The following PKIB variants were observed in gnomAD, a reference collection of about 807,000 sequenced individuals.
The protein encoded by PKIB is cAMP-dependent protein kinase inhibitor beta.
PKIB carries 2 observed loss-of-function variants against 4.5 expected under a neutral mutation model. The ratio of observed to expected loss-of-function variants is 0.44; its 90% CI spans 0.18 to 1.39. The LOEUF (loss-of-function observed/expected upper bound fraction) is 1.39, where lower values mean the gene tolerates loss of function less well. PKIB is among the 40% of genes most tolerant of loss of function. The pLI is 0.27. For synonymous variants in PKIB, 38 were observed against 36.0 expected (o/e 1.06, Z -0.20); for missense variants, 94 against 92.6 (o/e 1.02, Z -0.06).
intron 3 of PKIB, among the ~76,000 whole-genome samples, chr6:122,680,397 G>T (rs2815593): frequency 1.3e-5 from 2 of 152,036 alleles, no homozygotes; most frequent in East Asian, 1.9e-4. Flanking sequence ...TCTGGATTTG[G>T]GGGAGGACCC....
At chr6:122,575,890 A>G (rs772708701) in intron 2 of PKIB, among the ~76,000 whole-genome samples, 2 of 152,130 alleles carry the variant, frequency 1.3e-5, no homozygotes, top group African/African-American at 2.4e-5. Context: ...AACCACCTGT[A>G]CCCCCAAAAC....
At chr6:122,497,926 G>A (rs1332815102) in intron 2 of PKIB, among the ~76,000 whole-genome samples, 1 of 152,078 alleles carries the variant, frequency 6.6e-6, no homozygotes, top group Non-Finnish European at 1.5e-5. Context: ...CTTCTTATCT[G>A]CACATGAAAC....
intron 2 of PKIB, among the ~76,000 whole-genome samples, chr6:122,492,607 TCA>T (rs1428834555): frequency 1.3e-5 from 2 of 152,208 alleles, no homozygotes; most frequent in African/African-American, 4.8e-5. Flanking sequence ...CATTTTCCTC[TCA>T]GTTTCTAGTT....
intron 3 of PKIB, among the ~76,000 whole-genome samples, chr6:122,703,010 T>G (rs1219929776): frequency 4.6e-5 from 7 of 152,188 alleles, no homozygotes; most frequent in African/African-American, 1.7e-4. Context: ...ACTTGTGACT[T>G]GTAACTTTTG....
intron 2 of PKIB, among the ~76,000 whole-genome samples, chr6:122,558,503 G>A (rs1468823493): frequency 6.6e-6 from 1 of 152,152 alleles, no homozygotes; most frequent in East Asian, 1.9e-4. Context: ...GTTGGAAATA[G>A]AGAAGTCTAT....
intron 4 of PKIB, among the ~76,000 whole-genome samples, chr6:122,722,172 G>A (rs922711722): frequency 1.7e-4 from 26 of 152,044 alleles, no homozygotes; most frequent in African/African-American, 4.8e-4. Flanking sequence ...AATACAAAAT[G>A]TTTTCCTTTC....
chr6:122,592,249 T>C (rs1774040695), intron 3 of PKIB, among the ~76,000 whole-genome samples: 1 of 152,160 alleles, frequency 6.6e-6, no homozygotes, highest in African/African-American at 2.4e-5. Flanking sequence ...AAATAATGAA[T>C]TCTAAAAATT....
chr6:122,519,163 G>T (rs1776858166), intron 2 of PKIB, among the ~76,000 whole-genome samples: 1 of 152,106 alleles, frequency 6.6e-6, no homozygotes, highest in African/African-American at 2.4e-5. Flanking sequence ...CCTCCTGTCA[G>T]ATCAGCAGCT....
At chr6:122,543,725 A>G (rs1375279142) in intron 2 of PKIB, among the ~76,000 whole-genome samples, 2 of 151,968 alleles carry the variant, frequency 1.3e-5, no homozygotes, top group Non-Finnish European at 2.9e-5. Flanking sequence ...CATGGATATG[A>G]CAGCTGCTGC....
chr6:122,601,134 G>T lies in PKIB; in HGVS notation c.-161+15127G>T, dbSNP rs555491830. ...AAAATAAAACACAGAAAGAAAAAGG[G>T]CCCCAAATAATGAACAGGACATTAA... On this transcript the variant is annotated intron_variant, in intron 3 of 6. Coordinates refer to the PKIB transcript ENST00000392491. 3.7e-4 allele frequency among the ~76,000 whole-genome samples: 56 copies of T among 151,692 alleles called. No homozygotes were observed. The South Asian group carries it at 5.8e-3, about 16-fold the overall frequency.
chr6:122,705,291 C>T (rs997715897), intron 3 of PKIB, among the ~76,000 whole-genome samples: 1 of 152,070 alleles, frequency 6.6e-6, no homozygotes, highest in African/African-American at 2.4e-5. Context: ...GTGTATTTGT[C>T]TATTTCTAGA....
At chr6:122,546,268 A>G (rs1772490060) in intron 2 of PKIB, among the ~76,000 whole-genome samples, 1 of 152,038 alleles carries the variant, frequency 6.6e-6, no homozygotes, top group Non-Finnish European at 1.5e-5. Context: ...GCATAGCATG[A>G]GGGACTCTTG....
At chr6:122,597,410 T>G (rs2114734451) in intron 3 of PKIB, among the ~76,000 whole-genome samples, 1 of 152,336 alleles carries the variant, frequency 6.6e-6, no homozygotes, top group East Asian at 1.9e-4. Context: ...ATTTACCAAG[T>G]CAATGGCTGC....
intron 2 of PKIB, among the ~76,000 whole-genome samples, chr6:122,504,711 T>C (rs934759781): frequency 1.3e-5 from 2 of 152,254 alleles, no homozygotes; most frequent in Non-Finnish European, 2.9e-5. Context: ...CACATTTCTA[T>C]TGTATTTTGT....
chr6:122,675,109 G>C lies in PKIB; in HGVS notation c.-44G>C, dbSNP rs935760261. On this transcript the variant is annotated 5_prime_UTR_variant, in exon 3 of 5. Coordinates refer to ENST00000368452, the MANE Select transcript of PKIB (RefSeq NM_181795.3). ...AAGTTTATCAGAATTTTTTAAACCT[G>C]TCTCAGAAATAACAACATATTTTAA... The C allele has an allele frequency of 2.0e-5, 3 of 151,838 alleles. No individual in the cohort carries two copies. The highest frequency in any genetic ancestry group is 6.6e-5 in the Admixed American group (1 of 15,200). The allele number at this position is 151,838 out of a possible 1,614,324, so 9.4% of individuals were successfully genotyped here.
chr6:122,654,046 A>G (rs1409926493), intron 2 of PKIB, among the ~76,000 whole-genome samples: 4 of 152,210 alleles, frequency 2.6e-5, no homozygotes, highest in Non-Finnish European at 5.9e-5. Flanking sequence ...GTCTCCAATT[A>G]TGGTCAGCAA....
Position 122,651,880 on chromosome 6 carries a change from A to G in PKIB, c.-76+18513A>G, listed in dbSNP as rs1435519064. Among the ~76,000 whole-genome samples, 3 of 152,174 alleles carry G rather than the reference A, an allele frequency of 2.0e-5. No individual in the cohort carries two copies. In the East Asian group the frequency reaches 5.8e-4, roughly 29 times the overall value. On this transcript the variant is annotated intron_variant, in intron 2 of 4. Transcript: ENST00000368452. ...ACCTGCCAATTTCATCATACTCTTT[A>G]GTTTGGCTAAAATGCTCTAAGGCAT...
At chr6:122,521,027 A>G (rs1427371732) in intron 2 of PKIB, among the ~76,000 whole-genome samples, 1 of 152,198 alleles carries the variant, frequency 6.6e-6, no homozygotes, top group African/African-American at 2.4e-5. Flanking sequence ...CTTTTGAAGC[A>G]CTGGTTGTGG....
chr6:122,590,687 T>C (rs1464706565), intron 3 of PKIB, among the ~76,000 whole-genome samples: 2 of 152,146 alleles, frequency 1.3e-5, no homozygotes, highest in African/African-American at 4.8e-5. Flanking sequence ...TTTATCTCCA[T>C]AGTGCATTTT....
Sources: gnomAD v4.1 joint callset for allele counts (sites outside exome capture counted in the v4.1 genomes callset) on GRCh38, gnomAD v4.1.1 for gene constraint, MANE v1.5 for transcripts, NCBI Gene and HGNC (gene_info 2026-07-23, HGNC 2026-07-21) for gene names.